Variants in ABCA12 observed in about 807,000 individuals in gnomAD.
The protein encoded by ABCA12 is glucosylceramide transporter ABCA12.
Under a neutral mutation model 293.5 loss-of-function variants are expected in ABCA12, and 156 were observed. That is an observed-to-expected ratio of 0.53 (90% confidence interval 0.47 to 0.61). ABCA12 has a LOEUF of 0.61. Among genes scored for constraint, ABCA12 ranks in the 20% least tolerant of loss-of-function variants. The pLI, the probability that ABCA12 is intolerant of heterozygous loss-of-function variation, is 0.00. For missense variants in ABCA12, 2,797 were observed against 3,090.2 expected, an observed-to-expected ratio of 0.91 and a Z score of 2.25; for synonymous variants, 1,063 against 1,108.0, an observed-to-expected ratio of 0.96 and a Z score of 0.81.
At chr2:215,048,541 A>C (rs1701249972) in intron 6 of ABCA12, among the ~76,000 whole-genome samples, 1 of 66,488 alleles carries the variant, frequency 1.5e-5, no homozygotes, top group East Asian at 6.1e-4. Context: ...CTAATAATAC[A>C]AAAAAAAAAA....
At chr2:215,055,226 C>G (rs1322015612) in intron 3 of ABCA12, among the ~76,000 whole-genome samples, 1 of 152,106 alleles carries the variant, frequency 6.6e-6, no homozygotes, top group South Asian at 2.1e-4. Flanking sequence ...AAAGGAATAA[C>G]ATTAAAATAA....
chr2:215,038,294 TA>T (rs1310843601), intron 7 of ABCA12, among the ~76,000 whole-genome samples: 5 of 152,176 alleles, frequency 3.3e-5, no homozygotes, highest in Non-Finnish European at 7.4e-5. Flanking sequence ...ATGGGAAAAC[TA>T]AAGTTGAAAA....
chr2:215,035,559 G>A (rs1333963474), intron 8 of ABCA12, among the ~76,000 whole-genome samples: 1 of 151,670 alleles, frequency 6.6e-6, no homozygotes, highest in Non-Finnish European at 1.5e-5. Flanking sequence ...CCAGCTACTC[G>A]GGAGGCTGAG....
intron 3 of ABCA12, among the ~76,000 whole-genome samples, chr2:215,057,752 C>A (rs919491219): frequency 1.2e-4 from 18 of 151,996 alleles, no homozygotes; most frequent in Admixed American, 1.2e-3. Context: ...TAATGAGGAA[C>A]ATTACTTGGA....
rs1375252089 is a variant in ABCA12, at chr2:214,996,410, G to C, written c.3294+1285C>G. 3.3e-5 allele frequency among the ~76,000 whole-genome samples: 5 copies of C among 152,054 alleles called. No individual in the cohort carries two copies. The East Asian group carries it at 9.6e-4, about 29-fold the overall frequency. On this transcript the variant is annotated intron_variant, in intron 23 of 52. Transcript: ENST00000272895. ...AGGTATTAATTTTGAAGTAGAAATG[G>C]ACTCTGTTTCTGTCACAGTTTCTAT... is the stretch of plus-strand genomic sequence containing the variant.
chr2:215,067,147 T>C (rs1701654854), intron 2 of ABCA12, among the ~76,000 whole-genome samples: 1 of 152,156 alleles, frequency 6.6e-6, no homozygotes, highest in Non-Finnish European at 1.5e-5. Context: ...ATCAAACCGT[T>C]ACACATTTTA....
chr2:215,134,599 CTATATATATATATA>C (rs1161603641), intron 1 of ABCA12, among the ~76,000 whole-genome samples: 1 of 85,252 alleles, frequency 1.2e-5, no homozygotes, highest in Non-Finnish European at 2.1e-5. Context: ...CTCTCTCTCT[CTATATATATATATA>C]TATAGAGAGA....
intron 14 of ABCA12, among the ~76,000 whole-genome samples, chr2:215,016,163 T>C (rs905693266): frequency 2.0e-5 from 3 of 150,052 alleles, no homozygotes; most frequent in Non-Finnish European, 4.5e-5. Context: ...AGAAAAAAGA[T>C]GGGGAAAAAA....
chr2:215,102,618 C>A (rs183192384), intron 2 of ABCA12, among the ~76,000 whole-genome samples: 4 of 152,018 alleles, frequency 2.6e-5, no homozygotes, highest in African/African-American at 9.7e-5. Flanking sequence ...AAAATAAACT[C>A]TAATACTTTT....
At chr2:214,963,923 CAAAAAAAAAAAA>C (rs71041974) in intron 39 of ABCA12, among the ~76,000 whole-genome samples, 64 of 59,908 alleles carry the variant, frequency 1.1e-3, no homozygotes, top group African/African-American at 4.4e-3. Context: ...GACTCTGCCT[CAAAAAAAAAAAA>C]AAAAAAAAAA....
chr2:215,062,874 CTATT>C lies in ABCA12; in HGVS notation c.317+1188_317+1191del, dbSNP rs1260892273. On this transcript the variant is annotated intron_variant, in intron 3 of 52. Coordinates refer to ENST00000272895, the MANE Select transcript of ABCA12 (RefSeq NM_173076.3). ...GCACACTCATTATTATTTAATTATG[CTATT>C]TATTTATTTGATCATGCTGTTGCTT... Among the ~76,000 whole-genome samples, 21 of 152,056 alleles carry C rather than the reference CTATT, an allele frequency of 1.4e-4. No individual in the cohort carries two copies. The South Asian group carries it at 2.7e-3, about 20-fold the overall frequency.
rs758692322 is a variant in ABCA12, at chr2:215,106,070, T to C, written c.163+5527A>G. On this transcript the variant is annotated intron_variant, in intron 2 of 52. Transcript: ENST00000272895. ...CTGGAATCCTGCACTCATGCCCTTG[T>C]CCTCACTTCCCTGAAAACATACCAC... is the stretch of plus-strand genomic sequence containing the variant. 4.6e-5 allele frequency among the ~76,000 whole-genome samples: 7 copies of C among 152,162 alleles called. No individual in the cohort carries two copies. In the South Asian group the frequency reaches 1.0e-3, roughly 23 times the overall value.
At chr2:215,123,046 C>T (rs894037104) in intron 1 of ABCA12, among the ~76,000 whole-genome samples, 5 of 152,138 alleles carry the variant, frequency 3.3e-5, no homozygotes, top group African/African-American at 1.2e-4. Flanking sequence ...TGATTTTCTG[C>T]TTCTATGTTA....
chr2:214,994,162 C>T (rs1028160609), intron 23 of ABCA12, among the ~76,000 whole-genome samples: 3 of 152,116 alleles, frequency 2.0e-5, no homozygotes, highest in African/African-American at 7.2e-5. Context: ...TCCAGATTCA[C>T]TGCCAACTTT....
chr2:215,030,377 G>T (rs185462180), intron 9 of ABCA12: 1 of 151,702 alleles, frequency 6.6e-6, no homozygotes, highest in Non-Finnish European at 1.5e-5. Flanking sequence ...GGCGAATCAC[G>T]AGGTCAGGAG....
intron 23 of ABCA12, among the ~76,000 whole-genome samples, chr2:214,995,117 C>T (rs1224156046): frequency 6.6e-6 from 1 of 152,100 alleles, no homozygotes; most frequent in African/African-American, 2.4e-5. Flanking sequence ...CTTTAATAAA[C>T]TTATTAGATT....
intron 1 of ABCA12, among the ~76,000 whole-genome samples, chr2:215,114,702 C>T (rs1702650312): frequency 6.6e-6 from 1 of 152,112 alleles, no homozygotes; most frequent in Non-Finnish European, 1.5e-5. Flanking sequence ...AAAATTGGAG[C>T]TTGTTCTTTA....
At chr2:215,095,078 AT>A (rs1702223335) in intron 2 of ABCA12, among the ~76,000 whole-genome samples, 1 of 151,954 alleles carries the variant, frequency 6.6e-6, no homozygotes, top group African/African-American at 2.4e-5. Flanking sequence ...CTTCACTACT[AT>A]TTTGTTTTGT....
chr2:215,045,310 A>G (rs977549621), intron 7 of ABCA12, among the ~76,000 whole-genome samples: 3 of 152,198 alleles, frequency 2.0e-5, no homozygotes, highest in African/African-American at 4.8e-5. Flanking sequence ...TATAACATAT[A>G]TACCAAGGCT....
Sources: gnomAD v4.1 joint callset for allele counts (sites outside exome capture counted in the v4.1 genomes callset) on GRCh38, gnomAD v4.1.1 for gene constraint, MANE v1.5 for transcripts, NCBI Gene and HGNC (gene_info 2026-07-23, HGNC 2026-07-21) for gene names.